SORBS2: variants seen among roughly 807,000 people sequenced by gnomAD.
SORBS2 encodes sorbin and SH3 domain-containing protein 2.
Under a neutral mutation model 97.7 loss-of-function variants are expected in SORBS2, and 46 were observed. That is an observed-to-expected ratio of 0.47 (90% CI 0.37 to 0.60). SORBS2 has a LOEUF of 0.60. Among genes scored for constraint, SORBS2 ranks in the 20% least tolerant of loss-of-function variants. SORBS2 has a pLI of 0.00. For missense variants in SORBS2, 1,316 were observed against 1,282.3 expected (o/e 1.03, Z -0.40); for synonymous variants, 476 against 473.4 (o/e 1.01, Z -0.07).
chr4:185,641,982 T>G (rs1413380561), intron 4 of SORBS2, among the ~76,000 whole-genome samples: 2 of 152,232 alleles, frequency 1.3e-5, no homozygotes, highest in African/African-American at 4.8e-5. Context: ...GTATTCTCAG[T>G]GAGGCATGTG....
At chr4:185,747,766 G>A (rs192181539) in intron 2 of SORBS2, among the ~76,000 whole-genome samples, 9 of 152,302 alleles carry the variant, frequency 5.9e-5, no homozygotes, top group South Asian at 2.1e-4. Flanking sequence ...TTGGGAGGTC[G>A]AAGTGGGCAC....
intron 1 of SORBS2, among the ~76,000 whole-genome samples, chr4:185,881,841 G>A (rs2099237059): frequency 6.6e-6 from 1 of 152,112 alleles, no homozygotes; most frequent in South Asian, 2.1e-4. Context: ...GAAAAAAGAA[G>A]AAGTATAAAA....
At chr4:185,850,655 C>T (rs1397918178) in intron 1 of SORBS2, among the ~76,000 whole-genome samples, 1 of 152,164 alleles carries the variant, frequency 6.6e-6, no homozygotes, top group Admixed American at 6.5e-5. Flanking sequence ...ATATGTTTTA[C>T]AAGACTCTAG....
chr4:185,930,799 A>G (rs192098425), intron 1 of SORBS2, among the ~76,000 whole-genome samples: 1 of 152,384 alleles, frequency 6.6e-6, no homozygotes, highest in East Asian at 1.9e-4. Flanking sequence ...AATAAAAAGA[A>G]GCAGAATTCT....
chr4:185,953,899 CTG>C (rs1310072874), intron 1 of SORBS2, among the ~76,000 whole-genome samples: 1 of 152,258 alleles, frequency 6.6e-6, no homozygotes, highest in Admixed American at 6.5e-5. Flanking sequence ...TCCATCACAC[CTG>C]TGTGTGTCCA....
At chr4:185,636,797 C>G (rs1201482875) in intron 4 of SORBS2, among the ~76,000 whole-genome samples, 1 of 152,038 alleles carries the variant, frequency 6.6e-6, no homozygotes, top group Non-Finnish European at 1.5e-5. Flanking sequence ...TACAGGCACC[C>G]GCCACCATGC....
At chr4:185,678,907 G>T in intron 2 of SORBS2, 85 bp from the exon 6 acceptor site, 1 of 736,246 alleles carries the variant, frequency 1.4e-6, no homozygotes, top group Non-Finnish European at 2.1e-6. Context: ...AGAACTATAT[G>T]CATTGTTTTT....
At chr4:185,718,463 A>G (rs2098484144) in intron 2 of SORBS2, among the ~76,000 whole-genome samples, 1 of 152,208 alleles carries the variant, frequency 6.6e-6, no homozygotes, top group African/African-American at 2.4e-5. Context: ...TAAACAGGAC[A>G]AACTACTGAA....
At chr4:185,802,374 ATGAG>A (rs1045685069) in intron 1 of SORBS2, among the ~76,000 whole-genome samples, 1 of 152,200 alleles carries the variant, frequency 6.6e-6, no homozygotes, top group African/African-American at 2.4e-5. Flanking sequence ...TAATAAATGA[ATGAG>A]TAAATTATAT....
In SORBS2 at chr4:185,800,818, A is replaced by G. The variant is rs552015816; in HGVS notation, c.-337-25452T>C. On this transcript the variant is annotated intron_variant, in intron 1 of 20. Transcript: ENST00000284776. The stretch of plus-strand genomic sequence containing the variant: ...ACAAAGCTGCAGACATTTAAGGTGA[A>G]CCACGGGCTGCTTTGATACAGGCAT... Among the ~76,000 whole-genome samples the G allele has an allele frequency of 2.6e-5, 4 of 152,280 alleles. No homozygotes were observed. The East Asian group carries it at 7.7e-4, about 29-fold the overall frequency.
intron 2 of SORBS2, among the ~76,000 whole-genome samples, chr4:185,742,939 G>A (rs765465058): frequency 1.2e-4 from 19 of 152,164 alleles, no homozygotes; most frequent in Non-Finnish European, 2.1e-4. Flanking sequence ...TGCAGCATGA[G>A]TCAGCACCAT....
chr4:185,690,190 A>G (rs1173542677), intron 2 of SORBS2, among the ~76,000 whole-genome samples: 3 of 152,254 alleles, frequency 2.0e-5, no homozygotes, highest in Non-Finnish European at 4.4e-5. Flanking sequence ...AAGAGTTTAT[A>G]GAACAGGTAA....
chr4:185,690,653 G>T, intron 2 of SORBS2, 42 bp from the exon 4 acceptor site: 1 of 828,254 alleles, frequency 1.2e-6, no homozygotes, highest in Non-Finnish European at 1.9e-6. Flanking sequence ...CTAGCATGTG[G>T]AAGAAAATAT....
chr4:185,624,101 C>T (rs1320462248), exon 7 of SORBS2: 2 of 1,614,084 alleles, frequency 1.2e-6, no homozygotes, highest in African/African-American at 1.3e-5. Flanking sequence ...TGACCTGTGT[C>T]TGATCCTTGA....
chr4:185,763,777 T>A (rs1385107407), intron 2 of SORBS2, among the ~76,000 whole-genome samples: 1 of 152,206 alleles, frequency 6.6e-6, no homozygotes. Context: ...TCAGATTACA[T>A]GTGAAATTAC....
At chr4:185,701,421 C>T (rs1413883457) in intron 2 of SORBS2, among the ~76,000 whole-genome samples, 1 of 152,144 alleles carries the variant, frequency 6.6e-6, no homozygotes, top group African/African-American at 2.4e-5. Context: ...TCTGTGTGGA[C>T]ATCTTCATGG....
chr4:185,939,653 G>A (rs1007637447), intron 1 of SORBS2, among the ~76,000 whole-genome samples: 5 of 152,166 alleles, frequency 3.3e-5, no homozygotes, highest in African/African-American at 9.7e-5. Context: ...TGGGATTACA[G>A]GCACGTGCCA....
chr4:185,924,567 C>G (rs2099262588), intron 1 of SORBS2, among the ~76,000 whole-genome samples: 1 of 152,210 alleles, frequency 6.6e-6, no homozygotes, highest in African/African-American at 2.4e-5. Flanking sequence ...TGCCTGGCAA[C>G]ATGGCTGCCC....
intron 1 of SORBS2, among the ~76,000 whole-genome samples, chr4:185,860,449 A>T (rs2099223074): frequency 6.6e-6 from 1 of 152,154 alleles, no homozygotes; most frequent in South Asian, 2.1e-4. Flanking sequence ...TGGAACTGGC[A>T]CTCACGCTGA....
Sources: gnomAD v4.1 joint callset for allele counts (sites outside exome capture counted in the v4.1 genomes callset) on GRCh38, gnomAD v4.1.1 for gene constraint, MANE v1.5 for transcripts, NCBI Gene and HGNC (gene_info 2026-07-23, HGNC 2026-07-21) for gene names.